Variants in TMEM62 observed in about 807,000 individuals in gnomAD.
TMEM62 encodes transmembrane protein 62.
A neutral mutation model predicts 70.4 loss-of-function variants in TMEM62; 41 were observed. The ratio of observed to expected loss-of-function variants is 0.58; its 90% CI spans 0.45 to 0.76. The LOEUF (loss-of-function observed/expected upper bound fraction) is 0.76. Among genes scored for constraint, TMEM62 ranks in the 30% least tolerant of loss-of-function variants. The pLI, the probability that TMEM62 is intolerant of heterozygous loss-of-function variation, is 0.00. For synonymous variants in TMEM62, 268 were observed against 291.0 expected, an observed-to-expected ratio of 0.92 and a Z score of 0.80; for missense variants, 688 against 788.5, an observed-to-expected ratio of 0.87 and a Z score of 1.53.
intron 6 of TMEM62, 32 bp from the exon 7 acceptor site, chr15:43,148,997 T>C (rs1171497750): frequency 6.2e-7 from 1 of 1,611,778 alleles, no homozygotes; most frequent in Non-Finnish European, 8.5e-7. Flanking sequence ...GTTATCTTTG[T>C]TCATTTATTT....
intron 8 of TMEM62, among the ~76,000 whole-genome samples, chr15:43,153,651 T>A (rs1004581138): frequency 3.0e-5 from 4 of 134,672 alleles, no homozygotes; most frequent in African/African-American, 9.9e-5. Flanking sequence ...TAATGTTCCA[T>A]TGTACATTGT....
At chr15:43,167,241 G>A (rs2039574928) in intron 10 of TMEM62, among the ~76,000 whole-genome samples, 1 of 151,784 alleles carries the variant, frequency 6.6e-6, no homozygotes, top group South Asian at 2.1e-4. Flanking sequence ...TCCCGGATGG[G>A]GCGGCTGGCC....
intron 10 of TMEM62, among the ~76,000 whole-genome samples, chr15:43,165,957 A>C (rs1366892221): frequency 1.3e-5 from 2 of 152,082 alleles, no homozygotes; most frequent in East Asian, 3.9e-4. Flanking sequence ...GTTTTCCTGG[A>C]TGTTCTTGAG....
At chr15:43,142,159 A>T (rs1313272936) in intron 4 of TMEM62, among the ~76,000 whole-genome samples, 1 of 130,216 alleles carries the variant, frequency 7.7e-6, no homozygotes, top group Non-Finnish European at 1.5e-5. Flanking sequence ...TGCTATAGAG[A>T]AATTCTTTTT....
At chr15:43,139,642 G>T (rs1431619315) in intron 4 of TMEM62, among the ~76,000 whole-genome samples, 1 of 152,158 alleles carries the variant, frequency 6.6e-6, no homozygotes, top group African/African-American at 2.4e-5. Context: ...TGCTGATGTG[G>T]AGAACGTTTT....
intron 10 of TMEM62, among the ~76,000 whole-genome samples, chr15:43,165,459 T>C (rs979378991): frequency 6.6e-6 from 1 of 152,144 alleles, no homozygotes; most frequent in African/African-American, 2.4e-5. Flanking sequence ...GGAGGCTGGG[T>C]GCGGTGGCTC....
chr15:43,133,650 G>C lies in TMEM62; in HGVS notation c.-153G>C, dbSNP rs958109417. The C allele has an allele frequency of 6.0e-6, 3 of 504,190 alleles. No homozygotes were observed. The African/African-American group carries it at 6.0e-5, about 10-fold the overall frequency. The allele number at this position is 504,190 out of a possible 1,614,324, so 31.2% of individuals were successfully genotyped here. On this transcript the variant is annotated 5_prime_UTR_variant, in exon 1 of 14. Transcript: ENST00000260403. ...TGACGGGCGCAGCACCCTAGGCCCA[G>C]TGTCTGGCTCCAGCCCCGCATCCGG...
chr15:43,169,407 T>C (rs955849383), intron 10 of TMEM62, among the ~76,000 whole-genome samples, 186 bp from the exon 11 acceptor site: 2 of 152,210 alleles, frequency 1.3e-5, no homozygotes, highest in Admixed American at 1.3e-4. Context: ...CCTATCCTTG[T>C]TATCACTTAG....
At chr15:43,171,050 T>C (rs1331458360) in intron 11 of TMEM62, among the ~76,000 whole-genome samples, 2 of 152,168 alleles carry the variant, frequency 1.3e-5, no homozygotes, top group African/African-American at 2.4e-5. Context: ...TCAAAACCTC[T>C]TATGGTTGGG....
rs543687801 is a variant in TMEM62 at position 43,184,994 on chromosome 15, C to A, written c.*408C>A. 5 of 252,006 alleles carry A rather than the reference C, an allele frequency of 2.0e-5. No homozygotes were observed. The highest frequency in any genetic ancestry group is 3.9e-5 in the Non-Finnish European group (5 of 129,550). 15.6% of individuals were successfully genotyped at this position (252,006 alleles called of 1,614,324 possible). A position where few individuals can be genotyped will look rare whatever the true frequency, so the allele number is the denominator to read the frequency against. ...GCTGTCAAAGGTGCAATTTCAGGGG[C>A]AGGGAACCTTTGAGGATCTGGGCCC... is the stretch of plus-strand genomic sequence containing the variant. On this transcript the variant is annotated 3_prime_UTR_variant, in exon 14 of 14. Coordinates refer to ENST00000260403, the MANE Select transcript of TMEM62 (RefSeq NM_024956.4).
chr15:43,149,882 T>G (rs899592725), intron 7 of TMEM62, among the ~76,000 whole-genome samples: 4 of 152,248 alleles, frequency 2.6e-5, no homozygotes, highest in African/African-American at 4.8e-5. Flanking sequence ...AGATGATAGT[T>G]GGCTTTTTTA....
At chr15:43,152,239 A>G (rs2037484362) in intron 8 of TMEM62, among the ~76,000 whole-genome samples, 1 of 152,158 alleles carries the variant, frequency 6.6e-6, no homozygotes, top group Admixed American at 6.5e-5. Flanking sequence ...CATTGCTATA[A>G]GCATAATGTA....
intron 10 of TMEM62, among the ~76,000 whole-genome samples, chr15:43,167,542 C>T (rs1277064834): frequency 1.3e-4 from 20 of 151,620 alleles, no homozygotes; most frequent in Admixed American, 7.2e-4. Flanking sequence ...CGGGCAGAGA[C>T]GCTCCTCACT....
intron 8 of TMEM62, among the ~76,000 whole-genome samples, chr15:43,153,050 C>G (rs1319136985): frequency 6.6e-6 from 1 of 152,124 alleles, no homozygotes; most frequent in Non-Finnish European, 1.5e-5. Flanking sequence ...ATTTTCATAT[C>G]TCATTGGTGA....
chr15:43,149,170 AG>A lies in TMEM62; in HGVS notation c.866+20del. 6.2e-7 allele frequency: 1 copy of A among 1,612,786 alleles called. No individual in the cohort carries two copies. Among genetic ancestry groups the A allele is most frequent in the Non-Finnish European group, 8.5e-7 (1 of 1,179,484 alleles). On this transcript the variant is annotated intron_variant, in intron 7 of 13. Coordinates refer to ENST00000260403, the MANE Select transcript of TMEM62 (RefSeq NM_024956.4). Reference sequence around the variant, plus strand: ...ATAGGAGGTAAGGGAACCTCCCCATAGAAGAAAACTTATACACATAAGTTTT... The same window carrying A: ...ATAGGAGGTAAGGGAACCTCCCCATAAAGAAAACTTATACACATAAGTTTT...
intron 6 of TMEM62, 72 bp from the exon 7 acceptor site, chr15:43,148,957 C>A (rs1018716963): frequency 1.1e-5 from 17 of 1,601,760 alleles, no homozygotes; most frequent in Admixed American, 3.4e-5. Flanking sequence ...GCTTTTCTGG[C>A]AAGACATTTT....
chr15:43,151,234 G>A (rs753618331), intron 7 of TMEM62, among the ~76,000 whole-genome samples: 1 of 151,522 alleles, frequency 6.6e-6, no homozygotes, highest in Non-Finnish European at 1.5e-5. Flanking sequence ...CTACTTGGGA[G>A]GCTGAGGCAG....
Position 43,133,730 on chromosome 15 carries a change from CA to C in TMEM62, c.-70del. The stretch of plus-strand genomic sequence containing the variant: ...CGACAATAGAGTCCGGAAGTGCAGG[CA>C]AAGCGGCTCCCGGGAGCGCCGCGCG... On this transcript the variant is annotated 5_prime_UTR_variant, in exon 1 of 14. Transcript: ENST00000260403. The C allele has an allele frequency of 9.0e-7, 1 of 1,112,356 alleles. No individual in the cohort carries two copies. Among genetic ancestry groups the C allele is most frequent in the Non-Finnish European group, 1.2e-6 (1 of 866,344 alleles). 68.9% of individuals were successfully genotyped at this position (1,112,356 alleles called of 1,614,324 possible). A position where few individuals can be genotyped will look rare whatever the true frequency, so the allele number is the denominator to read the frequency against.
intron 11 of TMEM62, among the ~76,000 whole-genome samples, chr15:43,175,580 C>G (rs1003240493): frequency 6.6e-6 from 1 of 152,208 alleles, no homozygotes; most frequent in Non-Finnish European, 1.5e-5. Context: ...AGCCCTTACA[C>G]TTGGGCTTTT....
Sources: gnomAD v4.1 joint callset for allele counts (sites outside exome capture counted in the v4.1 genomes callset) on GRCh38, gnomAD v4.1.1 for gene constraint, MANE v1.5 for transcripts, NCBI Gene and HGNC (gene_info 2026-07-23, HGNC 2026-07-21) for gene names.